Variants in CNOT2 observed in about 807,000 individuals in gnomAD.
CNOT2 encodes CCR4-NOT transcription complex subunit 2.
CNOT2 carries 7 observed loss-of-function variants against 72.1 expected under a neutral mutation model. The ratio of observed to expected loss-of-function variants is 0.10; its 90% CI spans 0.06 to 0.18. The LOEUF is 0.18. CNOT2 is among the 10% of genes least tolerant of loss of function. The probability of loss-of-function intolerance (pLI) is 1.00; values close to 1 mark genes in which losing one functional copy is unlikely to be tolerated. For synonymous variants in CNOT2, 196 were observed against 225.6 expected (o/e 0.87, Z 1.17); for missense variants, 345 against 660.3 (o/e 0.52, Z 5.23).
intron 1 of CNOT2, among the ~76,000 whole-genome samples, chr12:70,264,810 C>T (rs186939420): frequency 1.0e-3 from 154 of 152,230 alleles, no homozygotes; most frequent in Non-Finnish European, 1.8e-3. Context: ...TAGATTCTTG[C>T]TATTTCTATT....
intron 3 of CNOT2, 106 bp from the exon 4 acceptor site, chr12:70,319,192 A>T: frequency 1.1e-6 from 1 of 869,926 alleles, no homozygotes; most frequent in Non-Finnish European, 1.7e-6. Flanking sequence ...AGAATGAGAA[A>T]ATGTTAGATT....
chr12:70,247,203 C>T (rs998284514), intron 1 of CNOT2, among the ~76,000 whole-genome samples: 15 of 151,180 alleles, frequency 9.9e-5, no homozygotes, highest in African/African-American at 3.4e-4. Context: ...TTTTGCTCGT[C>T]GCTGAGGCTG....
intron 2 of CNOT2, chr12:70,294,162 G>T (rs1336369060): frequency 7.8e-7 from 1 of 1,289,184 alleles, no homozygotes; most frequent in South Asian, 1.2e-5. Context: ...CAACCCTGCT[G>T]TAATATCTCA....
chr12:70,282,227 G>A (rs1361648092), intron 2 of CNOT2, among the ~76,000 whole-genome samples: 1 of 152,148 alleles, frequency 6.6e-6, no homozygotes, highest in Non-Finnish European at 1.5e-5. Flanking sequence ...ATATTTAGAT[G>A]TTACTTTGAA....
intron 2 of CNOT2, among the ~76,000 whole-genome samples, chr12:70,291,379 G>A (rs919037444): frequency 9.9e-5 from 15 of 152,148 alleles, no homozygotes; most frequent in Non-Finnish European, 1.3e-4. Flanking sequence ...AATGCTACCG[G>A]CACATGAAAT....
chr12:70,321,228 C>CTTCT (rs1439067933), intron 4 of CNOT2, among the ~76,000 whole-genome samples: 1 of 151,690 alleles, frequency 6.6e-6, no homozygotes, highest in Non-Finnish European at 1.5e-5. Flanking sequence ...AATCTTAGAT[C>CTTCT]AACTGGAACT....
chr12:70,284,048 T>A (rs1870414161), intron 2 of CNOT2, among the ~76,000 whole-genome samples: 1 of 150,922 alleles, frequency 6.6e-6, no homozygotes, highest in African/African-American at 2.4e-5. Context: ...TTGAAGCGAT[T>A]CTCCTGCCTC....
intron 1 of CNOT2, among the ~76,000 whole-genome samples, chr12:70,268,983 A>T (rs1959169864): frequency 1.3e-5 from 2 of 152,202 alleles, no homozygotes; most frequent in South Asian, 4.1e-4. Flanking sequence ...ATGCTTTAAC[A>T]TCTCACCCAT....
rs533425333 is a variant in CNOT2 at position 70,292,835 on chromosome 12, T to G, written c.48+14561T>G. ...GTGTAGTAGATGCTAACTCAGTGAT[T>G]ATTGAATTAGTGTACATGGTGAGAT... On this transcript the variant is annotated intron_variant, in intron 2 of 15. Coordinates refer to ENST00000229195, the MANE Select transcript of CNOT2 (RefSeq NM_014515.7). Among the ~76,000 whole-genome samples the G allele has an allele frequency of 2.0e-5, 3 of 152,336 alleles. No individual in the cohort carries two copies. In the East Asian group the frequency reaches 5.8e-4, roughly 29 times the overall value.
At position 70,333,833 on chromosome 12, in the gene CNOT2, G is replaced by A. The variant is rs1593258502; in HGVS notation, c.649+987G>A. Among the ~76,000 whole-genome samples, 4 of 151,876 alleles carry A rather than the reference G, an allele frequency of 2.6e-5. No homozygotes were observed. In the South Asian group the frequency reaches 6.2e-4, roughly 24 times the overall value. The stretch of plus-strand genomic sequence containing the variant: ...TACTGTATTCCATTCTTTCTAAAAT[G>A]TACATTTCTTCATAATTTAATGTCT... On this transcript the variant is annotated intron_variant, in intron 7 of 15. Transcript: ENST00000229195.
At position 70,332,760 on chromosome 12, in the gene CNOT2, T is replaced by C. The variant is rs1468691755; in HGVS notation, c.570-7T>C. ...TGTATATCTAAAACTATTTTCTATG[T>C]ACCCAGTATGTCTGGATTTGGAATG... On this transcript the variant is annotated splice_region_variant and splice_polypyrimidine_tract_variant and intron_variant, in intron 6 of 15. Coordinates refer to ENST00000229195, the MANE Select transcript of CNOT2 (RefSeq NM_014515.7). The C allele has an allele frequency of 6.3e-7, 1 of 1,596,460 alleles. No homozygotes were observed. The highest frequency in any genetic ancestry group is 8.5e-7 in the Non-Finnish European group (1 of 1,173,146).
At chr12:70,333,392 A>G (rs1208019904) in intron 7 of CNOT2, among the ~76,000 whole-genome samples, 1 of 151,938 alleles carries the variant, frequency 6.6e-6, no homozygotes, top group Non-Finnish European at 1.5e-5. Flanking sequence ...TTTTGACAGT[A>G]AAAAATTCCT....
chr12:70,327,265 A>G (rs1879230052), intron 4 of CNOT2, among the ~76,000 whole-genome samples: 1 of 151,696 alleles, frequency 6.6e-6, no homozygotes, highest in Non-Finnish European at 1.5e-5. Context: ...TATGACGATG[A>G]GAGAGAAAGA....
intron 8 of CNOT2, chr12:70,336,681 T>C (rs919003586): frequency 1.3e-5 from 2 of 152,096 alleles, no homozygotes; most frequent in Non-Finnish European, 2.9e-5. Flanking sequence ...AGTACCTAGC[T>C]ACTTGATTCT....
At chr12:70,286,902 A>G (rs1870992381) in intron 2 of CNOT2, among the ~76,000 whole-genome samples, 1 of 152,088 alleles carries the variant, frequency 6.6e-6, no homozygotes, top group Admixed American at 6.5e-5. Flanking sequence ...CTTTAGTCCA[A>G]TTTATGACTA....
chr12:70,267,477 A>G (rs939346938), intron 1 of CNOT2, among the ~76,000 whole-genome samples: 2 of 152,136 alleles, frequency 1.3e-5, no homozygotes, highest in Admixed American at 6.5e-5. Flanking sequence ...ATCCAGTATG[A>G]CTTCCTGTTA....
chr12:70,351,388 A>G (rs2136096403), intron 15 of CNOT2, among the ~76,000 whole-genome samples: 1 of 152,278 alleles, frequency 6.6e-6, no homozygotes, highest in East Asian at 1.9e-4. Flanking sequence ...AAATGGTGTT[A>G]CCAGTAATCA....
intron 1 of CNOT2, among the ~76,000 whole-genome samples, chr12:70,259,233 C>A (rs1335527351): frequency 1.3e-5 from 2 of 152,110 alleles, no homozygotes; most frequent in Non-Finnish European, 2.9e-5. Context: ...AGCATACTTA[C>A]AGAGCCTTTC....
At chr12:70,284,308 C>T (rs1870469587) in intron 2 of CNOT2, among the ~76,000 whole-genome samples, 1 of 151,636 alleles carries the variant, frequency 6.6e-6, no homozygotes, top group African/African-American at 2.4e-5. Context: ...GCAGTGGCAC[C>T]ATCTCCGCTC....
Sources: allele counts gnomAD v4.1 joint callset (sites outside exome capture counted in the v4.1 genomes callset), GRCh38; gene constraint gnomAD v4.1.1; transcripts MANE v1.5; gene names NCBI Gene and HGNC (gene_info 2026-07-23, HGNC 2026-07-21).